Variants in NT5C3B observed in about 807,000 individuals in gnomAD.
NT5C3B encodes 7-methylguanosine phosphate-specific 5'-nucleotidase.
NT5C3B carries 28 observed loss-of-function variants against 32.5 expected under a neutral mutation model. The ratio of observed to expected loss-of-function variants is 0.86; its 90% CI spans 0.64 to 1.18. NT5C3B has a LOEUF of 1.18. Ranked by LOEUF, NT5C3B falls within the 50% of genes most tolerant of loss-of-function variation. The pLI is 0.00. For synonymous variants in NT5C3B, 138 were observed against 118.0 expected (o/e 1.17, Z -1.10); for missense variants, 317 against 322.0 (o/e 0.98, Z 0.12).
chr17:41,832,282 T>C, intron 5 of NT5C3B, 110 bp downstream of exon 5: 1 of 857,600 alleles, frequency 1.2e-6, no homozygotes, highest in East Asian at 2.6e-5. Flanking sequence ...AATTAAGCCC[T>C]CAGTGAAGTA....
intron 5 of NT5C3B, 71 bp downstream of exon 5, chr17:41,832,321 G>A: frequency 1.5e-6 from 2 of 1,319,210 alleles, no homozygotes; most frequent in Non-Finnish European, 2.2e-6. Context: ...TCAAGGGTCT[G>A]GAAAAATATG....
chr17:41,832,506 A>G (rs781820658), intron 4 of NT5C3B, 29 bp from the exon 5 acceptor site: 26 of 1,589,654 alleles, frequency 1.6e-5, no homozygotes, highest in Non-Finnish European at 2.1e-5. Context: ...GAGAAAGGCC[A>G]TTAGTCCATA....
rs2047938151 is a variant in NT5C3B, at chr17:41,825,064, G to A, written c.*459C>T. On this transcript the variant is annotated 3_prime_UTR_variant, in exon 9 of 9. Coordinates refer to ENST00000435506, the MANE Select transcript of NT5C3B (RefSeq NM_052935.5). ...GACACAATCAGGCTGTGCTCGGATG[G>A]GGTCTCAGGCCAATTTGTGGTGGTT... The A allele has an allele frequency of 6.4e-6, 1 of 155,998 alleles. No homozygotes were observed. The highest frequency in any genetic ancestry group is 1.4e-5 in the Non-Finnish European group (1 of 70,406). 9.7% of individuals were successfully genotyped at this position (155,998 alleles called of 1,614,324 possible). A position where few individuals can be genotyped will look rare whatever the true frequency, so the allele number is the denominator to read the frequency against.
chr17:41,832,331 GC>G lies in NT5C3B; in HGVS notation c.314+60del, dbSNP rs2048065036. 2.9e-6 allele frequency: 4 copies of G among 1,391,314 alleles called. No individual in the cohort carries two copies. The East Asian group carries it at 9.2e-5, about 32-fold the overall frequency. The allele number at this position is 1,391,314 out of a possible 1,614,324, so 86.2% of individuals were successfully genotyped here. On this transcript the variant is annotated intron_variant, in intron 5 of 8. Coordinates refer to ENST00000435506, the MANE Select transcript of NT5C3B (RefSeq NM_052935.5). ...TCTCATCAAGGGTCTGGAAAAATAT[GC>G]CCCTCCCAGCCTACTCCATCTCAAG...
chr17:41,833,340 C>CA (rs11407197), intron 4 of NT5C3B, among the ~76,000 whole-genome samples: 114,999 of 150,800 alleles, frequency 0.76, 44,090 homozygotes, highest in Admixed American at 0.84. Context: ...TTTTTTGAGA[C>CA]AAGTCTCACT....
chr17:41,829,185 CTA>C (rs1173829806), intron 6 of NT5C3B, among the ~76,000 whole-genome samples: 1 of 152,018 alleles, frequency 6.6e-6, no homozygotes, highest in Non-Finnish European at 1.5e-5. Flanking sequence ...CCACACCTGG[CTA>C]ATTTTTTTAT....
rs183919025 is a variant in NT5C3B at position 41,835,065 on chromosome 17, C to G, written c.228+5G>C. 1 of 1,613,770 alleles carries G rather than the reference C, an allele frequency of 6.2e-7. No individual in the cohort carries two copies. Among genetic ancestry groups the G allele is most frequent in the Non-Finnish European group, 8.5e-7 (1 of 1,179,806 alleles). On this transcript the variant is annotated splice_donor_5th_base_variant and intron_variant, in intron 4 of 8. Coordinates refer to ENST00000435506, the MANE Select transcript of NT5C3B (RefSeq NM_052935.5). ...ATTTCTGAGCAAAGGACGGGAGCAA[C>G]CCACCTCTTTCCGACACTCCTCACT...
chr17:41,836,159 C>G, intron 1 of NT5C3B, 23 bp downstream of exon 1: 4 of 1,301,396 alleles, frequency 3.1e-6, no homozygotes, highest in Non-Finnish European at 3.9e-6. Flanking sequence ...CCGCCCCACT[C>G]CGGACGCTTC....
chr17:41,831,458 T>C (rs2048050749), intron 5 of NT5C3B, among the ~76,000 whole-genome samples: 2 of 152,146 alleles, frequency 1.3e-5, no homozygotes, highest in Admixed American at 6.5e-5. Flanking sequence ...TGGGGCTCTG[T>C]CCAGTGATGA....
chr17:41,834,762 A>G (rs1555619543), intron 4 of NT5C3B, among the ~76,000 whole-genome samples: 1 of 152,170 alleles, frequency 6.6e-6, no homozygotes, highest in East Asian at 1.9e-4. Flanking sequence ...ACAAACAAAC[A>G]AACAAGCTCT....
intron 5 of NT5C3B, 49 bp from the exon 6 acceptor site, chr17:41,830,939 A>G (rs2048041394): frequency 8.5e-7 from 1 of 1,175,654 alleles, no homozygotes; most frequent in Non-Finnish European, 1.3e-6. Flanking sequence ...ACTGAAGTAA[A>G]TAACTCACCC....
chr17:41,834,418 A>ACACACG (rs1370046895), intron 4 of NT5C3B, among the ~76,000 whole-genome samples: 1 of 150,298 alleles, frequency 6.7e-6, no homozygotes, highest in African/African-American at 2.5e-5. Flanking sequence ...ACACACACAC[A>ACACACG]CACACACTAG....
intron 6 of NT5C3B, among the ~76,000 whole-genome samples, chr17:41,830,163 TGAA>T (rs1321576002): frequency 1.3e-5 from 2 of 152,164 alleles, no homozygotes; most frequent in Admixed American, 1.3e-4. Context: ...CCAGTCACCA[TGAA>T]GAACACCAGT....
intron 5 of NT5C3B, among the ~76,000 whole-genome samples, chr17:41,831,926 C>T (rs1468182330): frequency 1.3e-5 from 2 of 152,172 alleles, no homozygotes; most frequent in Middle Eastern, 3.4e-3. Context: ...CACAGTGGCA[C>T]GTGCCCGTAG....
At chr17:41,832,072 A>G (rs1181748025) in intron 5 of NT5C3B, among the ~76,000 whole-genome samples, 2 of 152,092 alleles carry the variant, frequency 1.3e-5, no homozygotes, top group African/African-American at 4.8e-5. Flanking sequence ...TAGAAAAAAT[A>G]TATAATTCAC....
intron 3 of NT5C3B, 41 bp from the exon 4 acceptor site, chr17:41,835,157 C>A (rs369579521): frequency 6.2e-7 from 1 of 1,613,360 alleles, no homozygotes; most frequent in South Asian, 1.1e-5. Flanking sequence ...CCCTTAGAAC[C>A]CATCGTCTTG....
chr17:41,835,145 G>C lies in NT5C3B; in HGVS notation c.182-29C>G. 3.1e-6 allele frequency: 5 copies of C among 1,613,700 alleles called. 1 individual carries two copies. The South Asian group carries it at 5.5e-5, about 18-fold the overall frequency. The stretch of plus-strand genomic sequence containing the variant: ...GAAAAAGAGAAAACTCCTTTTACTT[G>C]TCCCTTAGAACCCATCGTCTTGTCA... On this transcript the variant is annotated intron_variant, in intron 3 of 8. Transcript: ENST00000435506.
At position 41,827,064 on chromosome 17, in the gene NT5C3B, T is replaced by C. The variant is rs560892158; in HGVS notation, c.768+362A>G. Among the ~76,000 whole-genome samples the C allele has an allele frequency of 2.0e-3, 302 of 151,432 alleles. 3 individuals are homozygous for C. The highest frequency in any genetic ancestry group is 7.0e-3 in the African/African-American group (291 of 41,290). ...GCTCATGCCTGTAATCCCAGCACTT[T>C]TGGAGGCCAAGGCAGGCGGATCACG... On this transcript the variant is annotated intron_variant, in intron 8 of 8. Transcript: ENST00000435506.
intron 2 of NT5C3B, 193 bp from the exon 3 acceptor site, chr17:41,835,465 G>GA (rs1555619773): frequency 3.1e-6 from 2 of 645,840 alleles, no homozygotes; most frequent in African/African-American, 3.6e-5. Flanking sequence ...TAACCCTGAG[G>GA]AAAACGCAGT....
Sources: allele counts gnomAD v4.1 joint callset (sites outside exome capture counted in the v4.1 genomes callset), GRCh38; gene constraint gnomAD v4.1.1; transcripts MANE v1.5; gene names NCBI Gene and HGNC (gene_info 2026-07-23, HGNC 2026-07-21).